KDM4F: variants seen among roughly 807,000 people sequenced by gnomAD.
The protein encoded by KDM4F is lysine demethylase 4F.
For synonymous variants in KDM4F, 223 were observed against 184.4 expected, an observed-to-expected ratio of 1.21 and a Z score of -1.70; for missense variants, 586 against 496.4, an observed-to-expected ratio of 1.18 and a Z score of -1.71.
chr11:95,050,518 G>A (rs1222745101), exon 1 of KDM4F: 3 of 707,104 alleles, frequency 4.2e-6, no homozygotes, highest in Admixed American at 2.0e-5. Flanking sequence ...GCACTTAGGA[G>A]AGCTGCTCTG....
At chr11:95,050,531 C>T in exon 1 of KDM4F, 1 of 700,528 alleles carries the variant, frequency 1.4e-6, no homozygotes, top group Non-Finnish European at 2.6e-6. Context: ...CTGCTCTGGG[C>T]CTGAGGCATC....
exon 1 of KDM4F, chr11:95,049,838 C>T: frequency 1.2e-6 from 2 of 1,600,502 alleles, no homozygotes; most frequent in Non-Finnish European, 1.7e-6. Context: ...ATATCAGCGG[C>T]TCCTTATTTG....
chr11:95,050,886 G>A (rs930820853), exon 1 of KDM4F: 9 of 511,054 alleles, frequency 1.8e-5, no homozygotes, highest in East Asian at 1.5e-4. Flanking sequence ...AGACAAACCC[G>A]CACCTTTGAG....
At chr11:95,050,602 C>G (rs1252130030) in exon 1 of KDM4F, 1 of 649,488 alleles carries the variant, frequency 1.5e-6, no homozygotes, top group Non-Finnish European at 2.8e-6. Flanking sequence ...TGTTACAACC[C>G]AAAGGGCGGT....
exon 1 of KDM4F, chr11:95,049,788 T>C (rs2134139532): frequency 2.5e-6 from 4 of 1,598,444 alleles, no homozygotes; most frequent in Middle Eastern, 1.7e-4. Context: ...GCAACGATAC[T>C]GGAAGAGCCA....
At chr11:95,050,950 T>A (rs1437119972) in exon 1 of KDM4F, 25 of 475,558 alleles carry the variant, frequency 5.3e-5, no homozygotes, top group Non-Finnish European at 8.1e-5. Context: ...GCCCCTGATC[T>A]TCAACCCCTG....
chr11:95,050,055 G>T, exon 1 of KDM4F: 1 of 1,604,122 alleles, frequency 6.2e-7, no homozygotes. Flanking sequence ...TTGGTACGTG[G>T]TGCCCCCAGA....
At chr11:95,050,674 C>A (rs1394443102) in exon 1 of KDM4F, 3 of 618,710 alleles carry the variant, frequency 4.8e-6, no homozygotes, top group Admixed American at 5.4e-5. Flanking sequence ...TGGGTTCTTC[C>A]CCCTTCCACT....
chr11:95,050,174 C>G (rs1555105382), exon 1 of KDM4F: 1 of 1,548,848 alleles, frequency 6.5e-7, no homozygotes, highest in African/African-American at 1.4e-5. Context: ...CTACAGTTCT[C>G]AAAAAGAATG....
At chr11:95,049,590 A>T in the KDM4F span, 1 of 1,598,714 alleles carries the variant, frequency 6.3e-7, no homozygotes, top group Non-Finnish European at 8.5e-7. Flanking sequence ...ATGGAAAGCC[A>T]GACAGATGTA....
At chr11:95,050,136 C>T (rs1193564471) in exon 1 of KDM4F, 2 of 1,556,236 alleles carry the variant, frequency 1.3e-6, no homozygotes, top group Non-Finnish European at 1.8e-6. Context: ...TGAGGGCTTC[C>T]TGCGGCACAA....
chr11:95,050,651 G>A (rs367615219), exon 1 of KDM4F: 53 of 620,700 alleles, frequency 8.5e-5, no homozygotes, highest in East Asian at 6.3e-4. Flanking sequence ...TCCAAGCCCT[G>A]GAGACGTCAG....
At chr11:95,050,417 C>G (rs1858499811) in exon 1 of KDM4F, 1 of 855,896 alleles carries the variant, frequency 1.2e-6, no homozygotes, top group South Asian at 1.4e-5. Flanking sequence ...GCTATGAGCT[C>G]TGGAAACACA....
exon 1 of KDM4F, chr11:95,049,836 G>A (rs1447331414): frequency 9.4e-6 from 15 of 1,598,660 alleles, no homozygotes; most frequent in Admixed American, 8.5e-5. Context: ...TGATATCAGC[G>A]GCTCCTTATT....
exon 1 of KDM4F, chr11:95,050,562 T>G: frequency 1.5e-6 from 1 of 686,180 alleles, no homozygotes; most frequent in South Asian, 1.6e-5. Context: ...CATAACCAGC[T>G]GTCCCACACG....
exon 1 of KDM4F, chr11:95,051,011 A>C (rs547242694): frequency 2.3e-6 from 1 of 439,082 alleles, no homozygotes; most frequent in South Asian, 7.7e-5. Flanking sequence ...CCTGCCTGCT[A>C]TCCCTCGACA....
chr11:95,050,709 T>TGTGGTC (rs1231023257), exon 1 of KDM4F: 5 of 630,874 alleles, frequency 7.9e-6, no homozygotes, highest in Non-Finnish European at 2.8e-6. Context: ...TTGTCGTGGC[T>TGTGGTC]GTGGTCGTGG....
chr11:95,050,905 T>C (rs1350054295), exon 1 of KDM4F: 10 of 492,656 alleles, frequency 2.0e-5, no homozygotes, highest in Admixed American at 3.4e-5. Context: ...AGCGGTGGCC[T>C]TCCGCATTTT....
chr11:95,049,503 T>A, exon 1 of KDM4F: 5 of 1,579,268 alleles, frequency 3.2e-6, no homozygotes, highest in Non-Finnish European at 4.3e-6. Context: ...ATTTGCAGAT[T>A]TCAACACATA....
Sources: allele counts gnomAD v4.1 joint callset, GRCh38; gene constraint gnomAD v4.1.1; transcripts MANE v1.5; gene names NCBI Gene and HGNC (gene_info 2026-07-23, HGNC 2026-07-21).